The following NR1H4 variants were observed in gnomAD, a reference collection of about 807,000 sequenced individuals.
NR1H4 encodes bile acid receptor.
Under a neutral mutation model 58.5 loss-of-function variants are expected in NR1H4, and 23 were observed. The ratio of observed to expected loss-of-function variants is 0.39; its 90% CI spans 0.28 to 0.56. NR1H4 has a LOEUF of 0.56. Among genes scored for constraint, NR1H4 ranks in the 20% least tolerant of loss-of-function variants. The pLI, the probability that NR1H4 is intolerant of heterozygous loss-of-function variation, is 0.58. For synonymous variants in NR1H4, 214 were observed against 198.0 expected (o/e 1.08, Z -0.68); for missense variants, 487 against 576.9 (o/e 0.84, Z 1.60).
intron 5 of NR1H4, among the ~76,000 whole-genome samples, chr12:100,533,528 T>C (rs1954743719): frequency 6.6e-6 from 1 of 152,196 alleles, no homozygotes; most frequent in South Asian, 2.1e-4. Flanking sequence ...TTATAGTAGC[T>C]GATCACAATC....
At chr12:100,484,945 G>C (rs746887220) in intron 1 of NR1H4, among the ~76,000 whole-genome samples, 14 of 152,184 alleles carry the variant, frequency 9.2e-5, no homozygotes, top group Non-Finnish European at 2.1e-4. Flanking sequence ...GTATGAACTT[G>C]TGTATTTTTA....
chr12:100,524,717 C>T (rs528575820), intron 4 of NR1H4, among the ~76,000 whole-genome samples: 11 of 152,242 alleles, frequency 7.2e-5, no homozygotes, highest in Admixed American at 6.5e-4. Context: ...CCCTCTTCAA[C>T]TGCTCCTAGA....
At chr12:100,563,039 G>T (rs1184751247) in intron 10 of NR1H4, among the ~76,000 whole-genome samples, 1 of 152,154 alleles carries the variant, frequency 6.6e-6, no homozygotes, top group Non-Finnish European at 1.5e-5. Context: ...GGGGAATTGG[G>T]AGGCTTCTGG....
intron 9 of NR1H4, among the ~76,000 whole-genome samples, chr12:100,553,084 C>T (rs750946950): frequency 4.6e-5 from 7 of 152,076 alleles, no homozygotes; most frequent in Admixed American, 2.0e-4. Flanking sequence ...CTGCAACCTC[C>T]GTCTCTCGGG....
intron 4 of NR1H4, among the ~76,000 whole-genome samples, chr12:100,519,373 G>A (rs1263373209): frequency 3.3e-5 from 5 of 152,062 alleles, no homozygotes; most frequent in Non-Finnish European, 5.9e-5. Context: ...CCACAGCTGT[G>A]GGGCTGGGTG....
In NR1H4 at chr12:100,517,319, A is replaced by G. The variant is rs938013393; in HGVS notation, c.445+6176A>G. Among the ~76,000 whole-genome samples the G allele has an allele frequency of 2.6e-5, 4 of 152,298 alleles. 1 individual carries two copies. In the Middle Eastern group the frequency reaches 0.01, roughly 389 times the overall value. ...GTGCTTGGCTTATTTCATTTCATGT[A>G]ATATCCTCCGGGCTCATCCATGTTA... On this transcript the variant is annotated intron_variant, in intron 4 of 10. Transcript: ENST00000392986.
intron 9 of NR1H4, among the ~76,000 whole-genome samples, chr12:100,559,630 C>T (rs1020232961): frequency 2.6e-5 from 4 of 152,234 alleles, no homozygotes; most frequent in Non-Finnish European, 5.9e-5. Flanking sequence ...GGGCAGGGCT[C>T]GGGACCTGCA....
chr12:100,545,170 C>T (rs558193809), intron 9 of NR1H4, among the ~76,000 whole-genome samples: 1 of 152,188 alleles, frequency 6.6e-6, no homozygotes, highest in East Asian at 1.9e-4. Context: ...TCTCCTGGGT[C>T]CTGAGCCAAG....
At chr12:100,521,247 T>C (rs1173697836) in intron 4 of NR1H4, among the ~76,000 whole-genome samples, 1 of 152,242 alleles carries the variant, frequency 6.6e-6, no homozygotes, top group African/African-American at 2.4e-5. Context: ...TTATTTGTCA[T>C]AAGTATTTAT....
At chr12:100,538,209 T>A (rs368126818) in intron 8 of NR1H4, among the ~76,000 whole-genome samples, 2 of 152,144 alleles carry the variant, frequency 1.3e-5, no homozygotes, top group South Asian at 4.1e-4. Context: ...GAGATTTCGG[T>A]GGTTTTTGTA....
intron 4 of NR1H4, among the ~76,000 whole-genome samples, chr12:100,516,385 T>C (rs1954265980): frequency 6.6e-6 from 1 of 152,074 alleles, no homozygotes; most frequent in South Asian, 2.1e-4. Context: ...TTTTTTTTTT[T>C]CTGAAACGGA....
chr12:100,482,179 G>C (rs183054231), intron 1 of NR1H4, among the ~76,000 whole-genome samples: 3 of 152,118 alleles, frequency 2.0e-5, no homozygotes, highest in African/African-American at 7.2e-5. Flanking sequence ...TGTATAAAAT[G>C]GTTCCCATGG....
intron 8 of NR1H4, among the ~76,000 whole-genome samples, chr12:100,538,144 C>T (rs1954855667): frequency 6.6e-6 from 1 of 151,996 alleles, no homozygotes; most frequent in African/African-American, 2.4e-5. Flanking sequence ...TAAGTTGGTA[C>T]CAGACTGATG....
Position 100,563,553 on chromosome 12 carries a change from TC to T in NR1H4, c.*66del, listed in dbSNP as rs1955522478. 1.6e-6 allele frequency: 2 copies of T among 1,262,294 alleles called. No individual in the cohort carries two copies. The highest frequency in any genetic ancestry group is 1.2e-6 in the Non-Finnish European group (1 of 860,556). 78.2% of individuals were successfully genotyped at this position (1,262,294 alleles called of 1,614,324 possible). A position where few individuals can be genotyped will look rare whatever the true frequency, so the allele number is the denominator to read the frequency against. On this transcript the variant is annotated 3_prime_UTR_variant, in exon 11 of 11. Coordinates refer to ENST00000392986, the MANE Select transcript of NR1H4 (RefSeq NM_001206979.2). ...CTCATATTAATCTGATGTATAACTT[TC>T]CTTTATTTCACTTGTACCCAGTTTC...
chr12:100,492,103 C>T (rs1953617761), intron 1 of NR1H4, among the ~76,000 whole-genome samples: 1 of 152,082 alleles, frequency 6.6e-6, no homozygotes, highest in Non-Finnish European at 1.5e-5. Flanking sequence ...ATATCTAGCA[C>T]AGAGTTTAGT....
At chr12:100,559,256 TC>T (rs1955405328) in intron 9 of NR1H4, among the ~76,000 whole-genome samples, 3 of 152,224 alleles carry the variant, frequency 2.0e-5, no homozygotes. Flanking sequence ...CGGCACCTCC[TC>T]TGCCTGGGCT....
intron 4 of NR1H4, among the ~76,000 whole-genome samples, chr12:100,524,101 A>AT (rs1403101401): frequency 1.3e-5 from 2 of 152,252 alleles, no homozygotes; most frequent in East Asian, 3.8e-4. Flanking sequence ...AACTAAGATG[A>AT]TAAAAACTAA....
chr12:100,556,482 C>CAA (rs1241034628), intron 9 of NR1H4, among the ~76,000 whole-genome samples: 11 of 143,460 alleles, frequency 7.7e-5, no homozygotes, highest in Non-Finnish European at 1.5e-4. Flanking sequence ...AAAAAAAAAA[C>CAA]AAAAAACAAA....
chr12:100,533,015 A>G (rs1954732437), intron 5 of NR1H4, among the ~76,000 whole-genome samples: 1 of 152,224 alleles, frequency 6.6e-6, no homozygotes, highest in African/African-American at 2.4e-5. Flanking sequence ...ATAAGGTATA[A>G]CTGCCTCTGA....
Sources: gnomAD v4.1 joint callset for allele counts (sites outside exome capture counted in the v4.1 genomes callset) on GRCh38, gnomAD v4.1.1 for gene constraint, MANE v1.5 for transcripts, NCBI Gene and HGNC (gene_info 2026-07-23, HGNC 2026-07-21) for gene names.